The following UMAD1 variants were observed in gnomAD, a reference collection of about 807,000 sequenced individuals.
UMAD1 encodes the protein UBAP1-MVB12-associated (UMA)-domain containing protein 1.
UMAD1 carries 8 observed loss-of-function variants against 6.1 expected under a neutral mutation model. That is an observed-to-expected ratio of 1.30 (90% CI 0.76 to 2.35). The LOEUF is 2.35. UMAD1 is among the 30% of genes most tolerant of loss of function. UMAD1 has a pLI of 0.00. For missense variants in UMAD1, 130 were observed against 78.4 expected, an observed-to-expected ratio of 1.66 and a Z score of -2.49; for synonymous variants, 56 against 31.4, an observed-to-expected ratio of 1.78 and a Z score of -2.61.
At chr7:7,740,097 G>T (rs1425880963) in intron 2 of UMAD1, among the ~76,000 whole-genome samples, 1 of 152,186 alleles carries the variant, frequency 6.6e-6, no homozygotes, top group African/African-American at 2.4e-5. Flanking sequence ...TGCTTTCAAG[G>T]CATGAGACAG....
intron 2 of UMAD1, among the ~76,000 whole-genome samples, chr7:7,694,346 C>T (rs557064661): frequency 9.2e-5 from 14 of 152,130 alleles, no homozygotes; most frequent in South Asian, 8.3e-4. Context: ...ATATCCATCA[C>T]GTCAAGCATT....
At chr7:7,641,849 A>G (rs989740571) in intron 1 of UMAD1, 1 of 152,234 alleles carries the variant, frequency 6.6e-6, no homozygotes, top group African/African-American at 2.4e-5. Context: ...TCACGTGGCA[A>G]TTTAAGATTG....
At chr7:7,643,580 C>T (rs1198952695) in intron 1 of UMAD1, among the ~76,000 whole-genome samples, 5 of 152,004 alleles carry the variant, frequency 3.3e-5, no homozygotes, top group Non-Finnish European at 5.9e-5. Flanking sequence ...GGCGCGATGG[C>T]GGGGGCCTGT....
intron 1 of UMAD1, among the ~76,000 whole-genome samples, chr7:7,654,796 C>T (rs1436975411): frequency 2.0e-5 from 3 of 151,488 alleles, no homozygotes; most frequent in South Asian, 4.2e-4. Context: ...CCCAGCTACT[C>T]TGGAGGCTGA....
Position 7,688,162 on chromosome 7 carries a change from A to G in UMAD1, c.82+14709A>G, listed in dbSNP as rs959752597. Among the ~76,000 whole-genome samples the G allele has an allele frequency of 2.1e-4, 32 of 152,214 alleles. 1 individual carries two copies. The highest frequency in any genetic ancestry group is 1.3e-4 in the Admixed American group (2 of 15,276). On this transcript the variant is annotated intron_variant, in intron 2 of 3. Coordinates refer to ENST00000682710, the MANE Select transcript of UMAD1 (RefSeq NM_001302348.2). ...TTTTTGGGGGGAGAACATTCCCTGC[A>G]TTACATCAGATTCTCAAAGATCTGT...
At chr7:7,767,415 G>A (rs151056997) in intron 2 of UMAD1, among the ~76,000 whole-genome samples, 21 of 152,238 alleles carry the variant, frequency 1.4e-4, no homozygotes, top group African/African-American at 4.3e-4. Flanking sequence ...GTGAGCCACC[G>A]CGCCCAGCCA....
chr7:7,864,127 T>C (rs1784179679), intron 3 of UMAD1, among the ~76,000 whole-genome samples: 1 of 152,204 alleles, frequency 6.6e-6, no homozygotes, highest in South Asian at 2.1e-4. Flanking sequence ...AACCCTCTAT[T>C]GACATCCTCG....
chr7:7,661,308 C>G (rs1409754667), intron 1 of UMAD1, among the ~76,000 whole-genome samples: 1 of 152,140 alleles, frequency 6.6e-6, no homozygotes, highest in South Asian at 2.1e-4. Flanking sequence ...TCTCTGAAGC[C>G]TCCTTCTTTC....
At chr7:7,656,165 G>A (rs1417689163) in intron 1 of UMAD1, among the ~76,000 whole-genome samples, 1 of 152,064 alleles carries the variant, frequency 6.6e-6, no homozygotes, top group Admixed American at 6.6e-5. Context: ...TGAGGTTACC[G>A]CCACTACTTT....
At chr7:7,728,284 C>G (rs2024371) in intron 2 of UMAD1, among the ~76,000 whole-genome samples, 48,099 of 152,002 alleles carry the variant, frequency 0.32, 8,064 homozygotes, top group African/African-American at 0.44. Context: ...TCACAGCTGG[C>G]GGCCAGCAGG....
chr7:7,690,795 T>C (rs923008589), intron 2 of UMAD1, among the ~76,000 whole-genome samples: 1 of 152,210 alleles, frequency 6.6e-6, no homozygotes, highest in Non-Finnish European at 1.5e-5. Flanking sequence ...CCTTCACATA[T>C]AAATGCTTTT....
chr7:7,727,249 T>G (rs1781157980), intron 2 of UMAD1, among the ~76,000 whole-genome samples: 3 of 152,252 alleles, frequency 2.0e-5, no homozygotes, highest in Admixed American at 6.5e-5. Flanking sequence ...ATACACTGTG[T>G]TAAGAAAATG....
chr7:7,655,700 A>G (rs1290442444), intron 1 of UMAD1, among the ~76,000 whole-genome samples: 1 of 152,216 alleles, frequency 6.6e-6, no homozygotes, highest in Non-Finnish European at 1.5e-5. Flanking sequence ...ATGTGACATT[A>G]CATTTAGGGG....
At chr7:7,799,515 C>T (rs1782755589) in intron 2 of UMAD1, among the ~76,000 whole-genome samples, 1 of 152,154 alleles carries the variant, frequency 6.6e-6, no homozygotes, top group Non-Finnish European at 1.5e-5. Context: ...TGATTTTAAC[C>T]AAATATAGTG....
intron 3 of UMAD1, among the ~76,000 whole-genome samples, chr7:7,872,110 A>C (rs1784343488): frequency 6.6e-6 from 1 of 152,152 alleles, no homozygotes; most frequent in Non-Finnish European, 1.5e-5. Flanking sequence ...AATAAAAAAA[A>C]AAAGAAGTTG....
chr7:7,673,569 T>C, intron 2 of UMAD1, 116 bp downstream of exon 2: 1 of 624,770 alleles, frequency 1.6e-6, no homozygotes, highest in Non-Finnish European at 2.8e-6. Flanking sequence ...TTAATTTATG[T>C]GTTTAATTTT....
chr7:7,793,950 A>T (rs549064648), intron 2 of UMAD1, among the ~76,000 whole-genome samples: 2 of 152,174 alleles, frequency 1.3e-5, no homozygotes, highest in Non-Finnish European at 2.9e-5. Flanking sequence ...TTCGAAAAAA[A>T]ATTTTTTTTT....
At chr7:7,669,057 T>C (rs1250126912) in intron 1 of UMAD1, among the ~76,000 whole-genome samples, 1 of 146,500 alleles carries the variant, frequency 6.8e-6, no homozygotes, top group Non-Finnish European at 1.5e-5. Context: ...TACACATATA[T>C]AGACAGTGGC....
chr7:7,841,341 G>T (rs12540059), intron 3 of UMAD1, among the ~76,000 whole-genome samples: 2,377 of 148,888 alleles, frequency 0.016, 45 homozygotes, highest in Admixed American at 0.041. Flanking sequence ...TTGAGGCCAG[G>T]TGTTGCTCTG....
Sources: allele counts gnomAD v4.1 joint callset (sites outside exome capture counted in the v4.1 genomes callset), GRCh38; gene constraint gnomAD v4.1.1; transcripts MANE v1.5; gene names NCBI Gene and HGNC (gene_info 2026-07-23, HGNC 2026-07-21).